ST8SIA5: variants seen among roughly 807,000 people sequenced by gnomAD.
The protein encoded by ST8SIA5 is ST8 alpha-N-acetyl-neuraminide alpha-2,8-sialyltransferase 5.
In ST8SIA5, 24 loss-of-function variants were observed where a neutral mutation model predicts 40.2. The observed-to-expected ratio is 0.60, with a 90% CI of 0.43 to 0.84. The LOEUF (loss-of-function observed/expected upper bound fraction) is 0.84, where lower values mean the gene tolerates loss of function less well. Among genes scored for constraint, ST8SIA5 ranks in the 40% least tolerant of loss-of-function variants. ST8SIA5 has a pLI of 0.00. For missense variants in ST8SIA5, 465 were observed against 498.5 expected (o/e 0.93, Z 0.64); for synonymous variants, 198 against 201.8 (o/e 0.98, Z 0.16).
intron 1 of ST8SIA5, among the ~76,000 whole-genome samples, chr18:46,739,218 C>T (rs1302022973): frequency 6.6e-6 from 1 of 152,102 alleles, no homozygotes; most frequent in Admixed American, 6.6e-5. Context: ...GGTGAAGGCC[C>T]AGAGTTAGGA....
chr18:46,692,527 C>T (rs1040850405), intron 2 of ST8SIA5, among the ~76,000 whole-genome samples: 1 of 151,978 alleles, frequency 6.6e-6, no homozygotes, highest in Non-Finnish European at 1.5e-5. Flanking sequence ...CCTCAGCCTA[C>T]CGAGTAGCTG....
intron 4 of ST8SIA5, among the ~76,000 whole-genome samples, chr18:46,688,088 C>G (rs8093234): frequency 0.013 from 1,974 of 152,300 alleles, 30 homozygotes; most frequent in African/African-American, 0.044. Flanking sequence ...TCCTCAATGG[C>G]CAAGGTCAGT....
chr18:46,678,186 A>C lies in ST8SIA5; in HGVS notation c.*1856T>G, dbSNP rs1025615347. On this transcript the variant is annotated 3_prime_UTR_variant, in exon 7 of 7. Transcript: ENST00000315087. ...CCTTGGCTACTCCCCTACATTCCTG[A>C]CCAGCAGACTGAGACTCAGAGCCAC... 8 of 152,224 alleles carry C rather than the reference A, an allele frequency of 5.3e-5. No individual in the cohort carries two copies. The highest frequency in any genetic ancestry group is 1.9e-4 in the African/African-American group (8 of 41,440). 9.4% of individuals were successfully genotyped at this position (152,224 alleles called of 1,614,324 possible). A position where few individuals can be genotyped will look rare whatever the true frequency, so the allele number is the denominator to read the frequency against.
chr18:46,699,696 T>G (rs529984104), intron 2 of ST8SIA5, among the ~76,000 whole-genome samples: 154 of 152,322 alleles, frequency 1.0e-3, no homozygotes, highest in African/African-American at 3.6e-3. Flanking sequence ...CTCTTTTCTT[T>G]CACAGCCTCC....
chr18:46,735,553 T>C (rs1224746222), intron 1 of ST8SIA5, among the ~76,000 whole-genome samples: 5 of 152,148 alleles, frequency 3.3e-5, no homozygotes, highest in Non-Finnish European at 7.3e-5. Context: ...ATTGGTGAAA[T>C]GAGAATTGAT....
At chr18:46,730,173 GAGCTTCAAT>G (rs2039972400) in intron 1 of ST8SIA5, 2 of 985,198 alleles carry the variant, frequency 2.0e-6, no homozygotes, top group Non-Finnish European at 1.2e-6. Flanking sequence ...ACTTTCTTCA[GAGCTTCAAT>G]AGCCATCCAA....
chr18:46,672,587 T>G lies in ST8SIA5; in HGVS notation c.*7455A>C, dbSNP rs1350467820. 3 of 149,738 alleles carry G rather than the reference T, an allele frequency of 2.0e-5. No homozygotes were observed. Among genetic ancestry groups the G allele is most frequent in the African/African-American group, 7.4e-5 (3 of 40,356 alleles). 9.3% of individuals were successfully genotyped at this position (149,738 alleles called of 1,614,324 possible). On this transcript the variant is annotated 3_prime_UTR_variant, in exon 7 of 7. Transcript: ENST00000315087. ...CCAACAGCTAAGTCATGGAAGTGTA[T>G]GTTTTTGCTTTTGGTTTTTTTCCTT...
intron 1 of ST8SIA5, among the ~76,000 whole-genome samples, chr18:46,729,486 G>A (rs373526379): frequency 2.0e-5 from 3 of 152,174 alleles, no homozygotes; most frequent in Non-Finnish European, 4.4e-5. Flanking sequence ...GAGAGGGGAG[G>A]CCAGCCAGAA....
chr18:46,729,174 A>G (rs2039961835), intron 1 of ST8SIA5, among the ~76,000 whole-genome samples: 1 of 151,980 alleles, frequency 6.6e-6, no homozygotes, highest in Non-Finnish European at 1.5e-5. Context: ...CCACCTTGGA[A>G]CTAAGTCAGC....
intron 4 of ST8SIA5, among the ~76,000 whole-genome samples, chr18:46,687,656 C>G (rs890679873): frequency 1.3e-5 from 2 of 152,166 alleles, no homozygotes; most frequent in Non-Finnish European, 2.9e-5. Context: ...GCTCCTCCCC[C>G]ACATCCCCAG....
intron 1 of ST8SIA5, among the ~76,000 whole-genome samples, chr18:46,733,155 G>A (rs560138668): frequency 3.4e-4 from 52 of 152,298 alleles, no homozygotes; most frequent in African/African-American, 1.1e-3. Flanking sequence ...GGAAGACCCC[G>A]AAGGCGGCTC....
rs1346479825 is a variant in ST8SIA5 at position 46,705,062 on chromosome 18, T to C, written c.132-398A>G. 2.0e-5 allele frequency among the ~76,000 whole-genome samples: 3 copies of C among 152,246 alleles called. No homozygotes were observed. The East Asian group carries it at 5.8e-4, about 29-fold the overall frequency. On this transcript the variant is annotated intron_variant, in intron 1 of 6. Coordinates refer to ENST00000315087, the MANE Select transcript of ST8SIA5 (RefSeq NM_013305.6). The stretch of plus-strand genomic sequence containing the variant: ...TGGCGCAGCACTGGGAGTCCGACAG[T>C]GAGCCTTCAGGCCTCCAACTTGCCC...
At chr18:46,751,387 AT>A (rs2040194400) in intron 1 of ST8SIA5, among the ~76,000 whole-genome samples, 4 of 149,668 alleles carry the variant, frequency 2.7e-5, no homozygotes, top group Admixed American at 2.7e-4. Flanking sequence ...TATTTATTTA[AT>A]TTTTAAATTT....
At chr18:46,746,591 A>T (rs1019447085) in intron 1 of ST8SIA5, among the ~76,000 whole-genome samples, 1 of 152,250 alleles carries the variant, frequency 6.6e-6, no homozygotes, top group African/African-American at 2.4e-5. Flanking sequence ...ATGGAAGAAC[A>T]TTCTATGCTC....
In ST8SIA5 at chr18:46,673,349, T is replaced by C. The variant is rs1354138944; in HGVS notation, c.*6693A>G. 1 of 152,168 alleles carries C rather than the reference T, an allele frequency of 6.6e-6. No homozygotes were observed. The highest frequency in any genetic ancestry group is 1.5e-5 in the Non-Finnish European group (1 of 68,020). The allele number at this position is 152,168 out of a possible 1,614,324, so 9.4% of individuals were successfully genotyped here. ...TGCTAGGTACATAGTGGGTTATATATTATATTTGTATGTACAGAAAAGGCA... is the reference window on the plus strand; with the variant it reads ...TGCTAGGTACATAGTGGGTTATATACTATATTTGTATGTACAGAAAAGGCA... On this transcript the variant is annotated 3_prime_UTR_variant, in exon 7 of 7. Transcript: ENST00000315087.
intron 4 of ST8SIA5, among the ~76,000 whole-genome samples, chr18:46,687,774 T>C (rs963506008): frequency 6.6e-6 from 1 of 152,184 alleles, no homozygotes; most frequent in Non-Finnish European, 1.5e-5. Flanking sequence ...GCCTTCAGAT[T>C]TCTTCCAAAA....
Position 46,744,338 on chromosome 18 carries a change from T to C in ST8SIA5, c.131+12040A>G, listed in dbSNP as rs150537390. The stretch of plus-strand genomic sequence containing the variant: ...GAGACCCATCTCATGTGCAGAGACA[T>C]ACATAGGCTCAAAATAAAGGGATGG... On this transcript the variant is annotated intron_variant, in intron 1 of 6. Transcript: ENST00000315087. Among the ~76,000 whole-genome samples, 75 of 152,186 alleles carry C rather than the reference T, an allele frequency of 4.9e-4. 1 individual carries two copies. The East Asian group carries it at 0.013, about 26-fold the overall frequency.
chr18:46,701,280 ACAGGTGCGTGC>A (rs1404942268), intron 2 of ST8SIA5, among the ~76,000 whole-genome samples: 1 of 151,638 alleles, frequency 6.6e-6, no homozygotes, highest in Non-Finnish European at 1.5e-5. Flanking sequence ...AGCTGGGATT[ACAGGTGCGTGC>A]CACCATGCCT....
intron 2 of ST8SIA5, among the ~76,000 whole-genome samples, chr18:46,703,219 C>A (rs1297679401): frequency 2.0e-5 from 3 of 152,178 alleles, no homozygotes; most frequent in Non-Finnish European, 4.4e-5. Flanking sequence ...GATCTCGGCT[C>A]ACTGCAAGCT....
Sources: gnomAD v4.1 joint callset for allele counts (sites outside exome capture counted in the v4.1 genomes callset) on GRCh38, gnomAD v4.1.1 for gene constraint, MANE v1.5 for transcripts, NCBI Gene and HGNC (gene_info 2026-07-23, HGNC 2026-07-21) for gene names.